HRCT1: variants seen among roughly 807,000 people sequenced by gnomAD.
HRCT1 encodes histidine rich carboxyl terminus 1, also known as histidine-rich carboxyl terminus protein 1.
For missense variants in HRCT1, 185 were observed against 161.3 expected (o/e 1.15, Z -0.80); for synonymous variants, 76 against 69.0 (o/e 1.10, Z -0.50).
Position 35,906,421 on chromosome 9 carries a change from G to C in HRCT1, c.134G>C (p.Arg45Pro). ...GRQDCDVERN[R>P]TAAGGNRVRR... Reference sequence around the variant, plus strand: ...CAGGACTGTGACGTGGAGAGGAACCGTACAGCTGCAGGGGGAAACCGAGTC... The same window carrying C: ...CAGGACTGTGACGTGGAGAGGAACCCTACAGCTGCAGGGGGAAACCGAGTC... The change falls in exon 1 of 1, where the codon CGT becomes CCT. Residue 45 changes from arginine to proline, a missense_variant. Arg to Pro is a moderately radical substitution (Grantham distance 103, BLOSUM62 -2). Transcript: ENST00000354323. 1 of 1,612,930 alleles carries C rather than the reference G, an allele frequency of 6.2e-7. No homozygotes were observed. Among genetic ancestry groups the C allele is most frequent in the Non-Finnish European group, 8.5e-7 (1 of 1,179,998 alleles).
Position 35,906,620 on chromosome 9 carries a change from C to T in HRCT1, c.333C>T (p.Pro111=). 6.6e-7 allele frequency: 1 copy of T among 1,525,004 alleles called. No individual in the cohort carries two copies. Among genetic ancestry groups the T allele is most frequent in the Non-Finnish European group, 8.7e-7 (1 of 1,149,456 alleles). 94.5% of individuals were successfully genotyped at this position (1,525,004 alleles called of 1,614,324 possible). Reference sequence around the variant, plus strand: ...ACCACCACCCCCACCGCCACCATCCCCGCCACGCTCGCTGAGGCTGCTGTC... The same window carrying T: ...ACCACCACCCCCACCGCCACCATCCTCGCCACGCTCGCTGAGGCTGCTGTC... ...HHHHHPHRHH[P]RHAR The change falls in exon 1 of 1, where the codon CCC becomes CCT. Residue 111 remains proline (P), a synonymous_variant. Coordinates refer to ENST00000354323, the MANE Select transcript of HRCT1 (RefSeq NM_001039792.2).
chr9:35,906,586 TCCA>T lies in HRCT1; in HGVS notation c.314_316del (p.His105del), dbSNP rs79156963. 159,989 of 1,186,466 alleles carry T rather than the reference TCCA, an allele frequency of 0.13. 10,382 individuals carry two copies. Among genetic ancestry groups the T allele is most frequent in the East Asian group, 0.19 (6,709 of 35,184 alleles). 73.5% of individuals were successfully genotyped at this position (1,186,466 alleles called of 1,614,324 possible). ...CACCCCCGCCACACCCCTCACCACC[TCCA>T]CCACCACCACCACCCCCACCGCCAC... On this transcript the variant is annotated inframe_deletion, in exon 1 of 1. Transcript: ENST00000354323.
chr9:35,906,803 T>C lies in HRCT1; in HGVS notation c.*168T>C. 1 of 949,430 alleles carries C rather than the reference T, an allele frequency of 1.1e-6. No individual in the cohort carries two copies. Among genetic ancestry groups the C allele is most frequent in the Non-Finnish European group, 1.6e-6 (1 of 641,246 alleles). The allele number at this position is 949,430 out of a possible 1,614,324, so 58.8% of individuals were successfully genotyped here. A position where few individuals can be genotyped will look rare whatever the true frequency, so the allele number is the denominator to read the frequency against. On this transcript the variant is annotated 3_prime_UTR_variant, in exon 1 of 1. Coordinates refer to ENST00000354323, the MANE Select transcript of HRCT1 (RefSeq NM_001039792.2). Reference sequence around the variant, plus strand: ...TGCATTTGCATGGCATGCCCCAGTGTACTATGGCAGCAGAGAATGGAGGAA... The same window carrying C: ...TGCATTTGCATGGCATGCCCCAGTGCACTATGGCAGCAGAGAATGGAGGAA...
rs756267312 is a variant in HRCT1 at position 35,906,367 on chromosome 9, T to C, written c.80T>C (p.Leu27Pro). Residue 27 changes from leucine (L) to proline (P), a missense_variant, in exon 1 of 1, where the codon CTG becomes CCG. Coordinates refer to ENST00000354323, the MANE Select transcript of HRCT1 (RefSeq NM_001039792.2). The part of the protein sequence containing the change: ...AAVAVLLLLL[L>P]LATCLFHGRQ... ...GTGGCGGTCCTGCTGCTGCTGCTGC[T>C]GCTGGCCACCTGCCTTTTCCACGGA... is the stretch of plus-strand genomic sequence containing the variant. 1.6e-5 allele frequency: 25 copies of C among 1,611,964 alleles called. No homozygotes were observed. The African/African-American group carries it at 3.1e-4, about 20-fold the overall frequency.
Position 35,906,598 on chromosome 9 carries a change from A to ACCCCCACCGCCACCG in HRCT1, c.313_314insCCCACCGCCACCGCC (p.His104_His105insProHisArgHisArg). The ACCCCCACCGCCACCG allele has an allele frequency of 8.4e-7, 1 of 1,194,688 alleles. No individual in the cohort carries two copies. Among genetic ancestry groups the ACCCCCACCGCCACCG allele is most frequent in the South Asian group, 1.4e-5 (1 of 70,618 alleles). The allele number at this position is 1,194,688 out of a possible 1,614,324, so 74.0% of individuals were successfully genotyped here. On this transcript the variant is annotated inframe_insertion, in exon 1 of 1. Transcript: ENST00000354323. ...ACCCCTCACCACCTCCACCACCACC[A>ACCCCCACCGCCACCG]CCACCCCCACCGCCACCATCCCCGC...
rs544654784 is a variant in HRCT1, at chr9:35,906,536, G to A, written c.249G>A (p.Pro83=). The change falls in exon 1 of 1, where the codon CCG becomes CCA. Residue 83 remains proline, a synonymous_variant. Coordinates refer to ENST00000354323, the MANE Select transcript of HRCT1 (RefSeq NM_001039792.2). ...ATCCTGGCCACGTATCTCATGTGCC[G>A]AATGTGGGCCTCCACCACCACCACC... The part of the protein sequence containing the change: ...HRHPGHVSHV[P]NVGLHHHHHP... 35 of 1,523,050 alleles carry A rather than the reference G, an allele frequency of 2.3e-5. No individual in the cohort carries two copies. In the East Asian group the frequency reaches 3.3e-4, roughly 14 times the overall value. The allele number at this position is 1,523,050 out of a possible 1,614,324, so 94.3% of individuals were successfully genotyped here. A position where few individuals can be genotyped will look rare whatever the true frequency, so the allele number is the denominator to read the frequency against.
Position 35,907,050 on chromosome 9 carries a change from A to C in HRCT1, c.*415A>C. On this transcript the variant is annotated 3_prime_UTR_variant, in exon 1 of 1. Transcript: ENST00000354323. The stretch of plus-strand genomic sequence containing the variant: ...CAGGGCACTGGGAGAGGCCCTGAGA[A>C]TGTCCTTTTGGTTTGGAGAAGGCAG... 8.1e-6 allele frequency: 2 copies of C among 248,254 alleles called. No homozygotes were observed. Among genetic ancestry groups the C allele is most frequent in the Non-Finnish European group, 1.7e-5 (2 of 118,154 alleles). 15.4% of individuals were successfully genotyped at this position (248,254 alleles called of 1,614,324 possible).
At position 35,906,938 on chromosome 9, in the gene HRCT1, A is replaced by G. The variant is rs969966077; in HGVS notation, c.*303A>G. 1.7e-5 allele frequency: 8 copies of G among 457,616 alleles called. No homozygotes were observed. Among genetic ancestry groups the G allele is most frequent in the Non-Finnish European group, 2.9e-5 (7 of 244,342 alleles). The allele number at this position is 457,616 out of a possible 1,614,324, so 28.3% of individuals were successfully genotyped here. A position where few individuals can be genotyped will look rare whatever the true frequency, so the allele number is the denominator to read the frequency against. ...ACTCCCAGTGAGCCCCAGAAATGACAAGCGTGTCTTGGCAGAGCCAGCACA... is the reference window on the plus strand; with the variant it reads ...ACTCCCAGTGAGCCCCAGAAATGACGAGCGTGTCTTGGCAGAGCCAGCACA... On this transcript the variant is annotated 3_prime_UTR_variant, in exon 1 of 1. Transcript: ENST00000354323.
chr9:35,906,522 G>T lies in HRCT1; in HGVS notation c.235G>T (p.Val79Leu). ...IFHHHRHPGH[V>L]SHVPNVGLHH... ...TCACCATCACCGTCATCCTGGCCACGTATCTCATGTGCCGAATGTGGGCCT... is the reference window on the plus strand; with the variant it reads ...TCACCATCACCGTCATCCTGGCCACTTATCTCATGTGCCGAATGTGGGCCT... The change falls in exon 1 of 1, where the codon GTA (valine) becomes TTA (leucine). Residue 79 changes from valine to leucine, a missense_variant. Val to Leu is a conservative substitution (Grantham distance 32). Transcript: ENST00000354323. 1 of 1,566,792 alleles carries T rather than the reference G, an allele frequency of 6.4e-7. No individual in the cohort carries two copies. The highest frequency in any genetic ancestry group is 8.6e-7 in the Non-Finnish European group (1 of 1,157,860).
In HRCT1 at chr9:35,906,842, G is replaced by C. The variant is rs1260064841; in HGVS notation, c.*207G>C. 1 of 737,750 alleles carries C rather than the reference G, an allele frequency of 1.4e-6. No individual in the cohort carries two copies. The highest frequency in any genetic ancestry group is 2.7e-5 in the East Asian group (1 of 36,734). The allele number at this position is 737,750 out of a possible 1,614,324, so 45.7% of individuals were successfully genotyped here. ...AGAATGGAGGAACACTGGGTCTGCA[G>C]TGCTGAAGGGTTTGGGGAGTGGAGA... On this transcript the variant is annotated 3_prime_UTR_variant, in exon 1 of 1. Coordinates refer to ENST00000354323, the MANE Select transcript of HRCT1 (RefSeq NM_001039792.2).
rs1833095141 is a variant in HRCT1 at position 35,906,586 on chromosome 9, T to TCCC, written c.301_302insCCC (p.Leu100_His101insPro). On this transcript the variant is annotated inframe_insertion, in exon 1 of 1. Coordinates refer to ENST00000354323, the MANE Select transcript of HRCT1 (RefSeq NM_001039792.2). ...CACCCCCGCCACACCCCTCACCACC[T>TCCC]CCACCACCACCACCACCCCCACCGC... 5 of 1,189,884 alleles carry TCCC rather than the reference T, an allele frequency of 4.2e-6. No individual in the cohort carries two copies. Among genetic ancestry groups the TCCC allele is most frequent in the African/African-American group, 2.5e-5 (1 of 39,920 alleles). 73.7% of individuals were successfully genotyped at this position (1,189,884 alleles called of 1,614,324 possible). A position where few individuals can be genotyped will look rare whatever the true frequency, so the allele number is the denominator to read the frequency against.
rs1554690921 is a variant in HRCT1 at position 35,906,602 on chromosome 9, C to CCGCCACCAT, written c.316_317insGCCACCATC (p.His105_Pro106insArgHisHis). The CCGCCACCAT allele has an allele frequency of 1.2e-4, 171 of 1,477,918 alleles. No individual in the cohort carries two copies. In the South Asian group the frequency reaches 1.7e-3, roughly 15 times the overall value. 91.6% of individuals were successfully genotyped at this position (1,477,918 alleles called of 1,614,324 possible). On this transcript the variant is annotated inframe_insertion, in exon 1 of 1. Transcript: ENST00000354323. ...CTCACCACCTCCACCACCACCACCA[C>CCGCCACCAT]CCCCACCGCCACCATCCCCGCCACG...
In HRCT1 at chr9:35,906,222, G is replaced by T; in HGVS notation, c.-66G>T. On this transcript the variant is annotated 5_prime_UTR_variant, in exon 1 of 1. Coordinates refer to ENST00000354323, the MANE Select transcript of HRCT1 (RefSeq NM_001039792.2). ...AGTTCAGTGACTGAGAGGGCTGAGC[G>T]GAGGCTGCTGAAGGGGAGAAAGGAG... is the stretch of plus-strand genomic sequence containing the variant. The T allele has an allele frequency of 6.5e-7, 1 of 1,533,248 alleles. No homozygotes were observed. The highest frequency in any genetic ancestry group is 2.3e-5 in the East Asian group (1 of 43,772). 95.0% of individuals were successfully genotyped at this position (1,533,248 alleles called of 1,614,324 possible). A position where few individuals can be genotyped will look rare whatever the true frequency, so the allele number is the denominator to read the frequency against.
At position 35,906,268 on chromosome 9, in the gene HRCT1, A is replaced by G. The variant is rs1343560536; in HGVS notation, c.-20A>G. On this transcript the variant is annotated 5_prime_UTR_variant, in exon 1 of 1. Transcript: ENST00000354323. ...AGGAGTGAGGAGCTGCTGGGCAGAG[A>G]GGGACTGTCCGGCTCCCAGATGCTG... The G allele has an allele frequency of 6.3e-7, 1 of 1,581,520 alleles. No homozygotes were observed. The highest frequency in any genetic ancestry group is 8.6e-7 in the Non-Finnish European group (1 of 1,162,254).
chr9:35,906,598 A>ACCACCGCCACCC lies in HRCT1; in HGVS notation c.316_317insGCCACCCCCACC (p.His105_Pro106insArgHisProHis). 8.4e-7 allele frequency: 1 copy of ACCACCGCCACCC among 1,194,684 alleles called. No homozygotes were observed. The highest frequency in any genetic ancestry group is 1.4e-5 in the South Asian group (1 of 70,618). 74.0% of individuals were successfully genotyped at this position (1,194,684 alleles called of 1,614,324 possible). A position where few individuals can be genotyped will look rare whatever the true frequency, so the allele number is the denominator to read the frequency against. On this transcript the variant is annotated inframe_insertion, in exon 1 of 1. Transcript: ENST00000354323. Reference sequence around the variant, plus strand: ...ACCCCTCACCACCTCCACCACCACCACCACCCCCACCGCCACCATCCCCGC... The same window carrying ACCACCGCCACCC: ...ACCCCTCACCACCTCCACCACCACCACCACCGCCACCCCCACCCCCACCGCCACCATCCCCGC...
Position 35,906,507 on chromosome 9 carries a change from C to G in HRCT1, c.220C>G (p.Arg74Gly). The change falls in exon 1 of 1, where the codon CGT becomes GGT. Residue 74 changes from arginine to glycine, a missense_variant. Coordinates refer to ENST00000354323, the MANE Select transcript of HRCT1 (RefSeq NM_001039792.2). Reference protein sequence around the residue: ...RGHLGIFHHHRHPGHVSHVPN... With the variant: ...RGHLGIFHHHGHPGHVSHVPN... ...CCACCTGGGAATCTTTCACCATCAC[C>G]GTCATCCTGGCCACGTATCTCATGT... 2 of 1,611,894 alleles carry G rather than the reference C, an allele frequency of 1.2e-6. No homozygotes were observed. The highest frequency in any genetic ancestry group is 1.7e-6 in the Non-Finnish European group (2 of 1,179,862).
chr9:35,906,598 A>ACCACCACCACCACCACCCCCACCG lies in HRCT1; in HGVS notation c.316_317insACCACCACCACCCCCACCGCCACC (p.His105_Pro106insHisHisHisHisProHisArgHis). ...ACCCCTCACCACCTCCACCACCACC[A>ACCACCACCACCACCACCCCCACCG]CCACCCCCACCGCCACCATCCCCGC... On this transcript the variant is annotated inframe_insertion, in exon 1 of 1. Coordinates refer to ENST00000354323, the MANE Select transcript of HRCT1 (RefSeq NM_001039792.2). 2 of 1,194,688 alleles carry ACCACCACCACCACCACCCCCACCG rather than the reference A, an allele frequency of 1.7e-6. No individual in the cohort carries two copies. The highest frequency in any genetic ancestry group is 2.2e-5 in the African/African-American group (1 of 44,694). The allele number at this position is 1,194,688 out of a possible 1,614,324, so 74.0% of individuals were successfully genotyped here. A position where few individuals can be genotyped will look rare whatever the true frequency, so the allele number is the denominator to read the frequency against.
chr9:35,906,204 T>C lies in HRCT1; in HGVS notation c.-84T>C. Reference sequence around the variant, plus strand: ...CCGCAGCAGAGACAACAAAGTTCAGTGACTGAGAGGGCTGAGCGGAGGCTG... The same window carrying C: ...CCGCAGCAGAGACAACAAAGTTCAGCGACTGAGAGGGCTGAGCGGAGGCTG... On this transcript the variant is annotated 5_prime_UTR_variant, in exon 1 of 1. Transcript: ENST00000354323. 6.7e-7 allele frequency: 1 copy of C among 1,499,142 alleles called. No homozygotes were observed. Among genetic ancestry groups the C allele is most frequent in the Admixed American group, 2.3e-5 (1 of 43,956 alleles). 92.9% of individuals were successfully genotyped at this position (1,499,142 alleles called of 1,614,324 possible). A position where few individuals can be genotyped will look rare whatever the true frequency, so the allele number is the denominator to read the frequency against.
At position 35,906,893 on chromosome 9, in the gene HRCT1, CAGCCCG is replaced by C. The variant is rs1231405046; in HGVS notation, c.*259_*264del. On this transcript the variant is annotated 3_prime_UTR_variant, in exon 1 of 1. Coordinates refer to ENST00000354323, the MANE Select transcript of HRCT1 (RefSeq NM_001039792.2). ...GCAAGGGTGCTCTTTCGGGGCTGGA[CAGCCCG>C]TCTTGTGACAGTGACTCCCAGTGAG... 1 of 530,064 alleles carries C rather than the reference CAGCCCG, an allele frequency of 1.9e-6. No homozygotes were observed. The highest frequency in any genetic ancestry group is 3.3e-5 in the Admixed American group (1 of 30,218). The allele number at this position is 530,064 out of a possible 1,614,324, so 32.8% of individuals were successfully genotyped here. A position where few individuals can be genotyped will look rare whatever the true frequency, so the allele number is the denominator to read the frequency against.
Sources: gnomAD v4.1 joint callset for allele counts on GRCh38, gnomAD v4.1.1 for gene constraint, MANE v1.5 for transcripts, NCBI Gene and HGNC (gene_info 2026-07-23, HGNC 2026-07-21) for gene names.